The following CSMD1 variants were observed in gnomAD, a reference collection of about 807,000 sequenced individuals.
CSMD1 encodes CUB and sushi domain-containing protein 1.
Under a neutral mutation model 417.5 loss-of-function variants are expected in CSMD1, and 213 were observed. That is an observed-to-expected ratio of 0.51 (90% CI 0.46 to 0.57). The LOEUF (loss-of-function observed/expected upper bound fraction) is 0.57, where lower values mean the gene tolerates loss of function less well. Among genes scored for constraint, CSMD1 ranks in the 20% least tolerant of loss-of-function variants. The probability of loss-of-function intolerance (pLI) is 0.00; values close to 1 mark genes in which losing one functional copy is unlikely to be tolerated. For synonymous variants in CSMD1, 2,862 were observed against 1,736.8 expected (o/e 1.65, Z -16.11); for missense variants, 6,923 against 4,529.7 (o/e 1.53, Z -15.17).
chr8:3,759,155 T>C (rs999491669), intron 5 of CSMD1, among the ~76,000 whole-genome samples: 2 of 152,234 alleles, frequency 1.3e-5, no homozygotes, highest in Non-Finnish European at 2.9e-5. Context: ...TTGTGTTAAT[T>C]TGTTATGGTG....
In CSMD1 at chr8:3,044,293, C is replaced by G. The variant is rs76203548; in HGVS notation, c.7660+8169G>C. Among the ~76,000 whole-genome samples, 421 of 152,136 alleles carry G rather than the reference C, an allele frequency of 2.8e-3. 13 individuals are homozygous for G. In the East Asian group the frequency reaches 0.067, roughly 24 times the overall value. Reference sequence around the variant, plus strand: ...CATTTAATTTTTATTTATTTATTTTCTTGTTGCATGAAAAGGTGATTGCAT... The same window carrying G: ...CATTTAATTTTTATTTATTTATTTTGTTGTTGCATGAAAAGGTGATTGCAT... On this transcript the variant is annotated intron_variant, in intron 50 of 69. Transcript: ENST00000635120.
At chr8:4,141,361 T>C (rs1476889831) in intron 3 of CSMD1, among the ~76,000 whole-genome samples, 2 of 151,214 alleles carry the variant, frequency 1.3e-5, no homozygotes, top group Non-Finnish European at 2.9e-5. Flanking sequence ...CTCATGAAGC[T>C]TGTATGCTCC....
intron 57 of CSMD1, among the ~76,000 whole-genome samples, chr8:2,972,280 T>G (rs1282896863): frequency 3.9e-5 from 6 of 152,208 alleles, no homozygotes; most frequent in Admixed American, 3.9e-4. Context: ...CTCACATTGA[T>G]AGTGTGTATG....
intron 1 of CSMD1, among the ~76,000 whole-genome samples, chr8:4,988,214 C>A (rs1386441354): frequency 1.3e-5 from 2 of 152,144 alleles, no homozygotes; most frequent in African/African-American, 2.4e-5. Context: ...GCATTACTCT[C>A]CGCTTTACAA....
At chr8:3,738,268 G>A (rs567132543) in intron 6 of CSMD1, among the ~76,000 whole-genome samples, 15 of 152,238 alleles carry the variant, frequency 9.9e-5, no homozygotes, top group African/African-American at 2.9e-4. Flanking sequence ...AAATAGCGAC[G>A]ATCACAGTGG....
intron 5 of CSMD1, among the ~76,000 whole-genome samples, chr8:3,817,491 G>A (rs895955194): frequency 1.3e-5 from 2 of 151,696 alleles, no homozygotes; most frequent in Non-Finnish European, 2.9e-5. Flanking sequence ...TCGTTAGCGA[G>A]GATGGTCTCA....
chr8:2,942,201 G>C (rs1342403280), intron 69 of CSMD1, among the ~76,000 whole-genome samples: 1 of 152,076 alleles, frequency 6.6e-6, no homozygotes, highest in African/African-American at 2.4e-5. Flanking sequence ...AGAGCATCAA[G>C]AAGAACAGCT....
chr8:3,986,454 T>C (rs566846965), intron 5 of CSMD1, among the ~76,000 whole-genome samples: 4 of 152,290 alleles, frequency 2.6e-5, no homozygotes, highest in South Asian at 2.1e-4. Context: ...TATCAGGGTA[T>C]AGCCATGTGC....
Position 4,994,736 on chromosome 8 carries a change from C to G in CSMD1, c.-320G>C, listed in dbSNP as rs1221262574. The G allele has an allele frequency of 6.9e-6, 2 of 288,844 alleles. No homozygotes were observed. The highest frequency in any genetic ancestry group is 1.3e-5 in the Non-Finnish European group (2 of 155,270). The allele number at this position is 288,844 out of a possible 1,614,324, so 17.9% of individuals were successfully genotyped here. ...GGCGAGGCTGCGGGAGGGGGAGAAG[C>G]GGGGAGAGGAGCGCGCGCAGCCAGG... On this transcript the variant is annotated 5_prime_UTR_variant, in exon 1 of 70. Coordinates refer to ENST00000635120, the MANE Select transcript of CSMD1 (RefSeq NM_033225.6).
At chr8:3,285,956 T>A (rs1306293621) in intron 25 of CSMD1, among the ~76,000 whole-genome samples, 2 of 152,144 alleles carry the variant, frequency 1.3e-5, no homozygotes, top group African/African-American at 2.4e-5. Context: ...TAACATTAGA[T>A]AAATTTCCTA....
intron 49 of CSMD1, among the ~76,000 whole-genome samples, chr8:3,054,090 C>T (rs1029542855): frequency 2.0e-5 from 3 of 152,180 alleles, no homozygotes; most frequent in African/African-American, 7.2e-5. Flanking sequence ...TCTTATGACT[C>T]CCAAACGAGA....
At chr8:4,979,196 C>T (rs541730200) in intron 1 of CSMD1, among the ~76,000 whole-genome samples, 2 of 152,250 alleles carry the variant, frequency 1.3e-5, no homozygotes, top group East Asian at 3.9e-4. Flanking sequence ...GGACACATCT[C>T]ATAGAACTGA....
chr8:3,212,184 T>C (rs1029542510), intron 30 of CSMD1, among the ~76,000 whole-genome samples: 8 of 152,214 alleles, frequency 5.3e-5, no homozygotes, highest in African/African-American at 1.9e-4. Flanking sequence ...AGCTCCCATA[T>C]GCTTCTTATT....
chr8:4,360,788 CCGGCCCCTCGGGGTTCGTAATCT>C (rs1488375402), intron 3 of CSMD1, among the ~76,000 whole-genome samples: 2 of 151,668 alleles, frequency 1.3e-5, no homozygotes, highest in Non-Finnish European at 1.5e-5. Flanking sequence ...GCCACTGCAC[CCGGCCCCTCGGGGTTCGTAATCT>C]CACAGTTCCT....
At chr8:3,101,637 G>A (rs1325496843) in intron 46 of CSMD1, among the ~76,000 whole-genome samples, 1 of 151,868 alleles carries the variant, frequency 6.6e-6, no homozygotes, top group African/African-American at 2.4e-5. Flanking sequence ...ATGTTACCCA[G>A]GATGGTCTCG....
intron 2 of CSMD1, among the ~76,000 whole-genome samples, chr8:4,488,801 C>T (rs1013787238): frequency 2.0e-5 from 3 of 152,152 alleles, no homozygotes; most frequent in African/African-American, 7.2e-5. Flanking sequence ...TACTCTATGT[C>T]CATATTTCCT....
rs772329770 is a variant in CSMD1 at position 4,955,771 on chromosome 8, G to A, written c.85+38561C>T. On this transcript the variant is annotated intron_variant, in intron 1 of 69. Transcript: ENST00000635120. ...ACGCCCGGGCCCTCTCTTCCAAACTGCATGTTAGGTGGTGGCGTAACAGTA... is the reference window on the plus strand; with the variant it reads ...ACGCCCGGGCCCTCTCTTCCAAACTACATGTTAGGTGGTGGCGTAACAGTA... 2.2e-4 allele frequency among the ~76,000 whole-genome samples: 10 copies of A among 46,270 alleles called. 1 individual carries two copies. The highest frequency in any genetic ancestry group is 5.2e-4 in the Non-Finnish European group (10 of 19,246). The allele number at this position is 46,270 out of a possible 152,430, so 30.4% of individuals were successfully genotyped here. A position where few individuals can be genotyped will look rare whatever the true frequency, so the allele number is the denominator to read the frequency against.
rs796364060 is a variant in CSMD1 at position 3,155,399 on chromosome 8, G to A, written c.5914+2498C>T. 7.3e-4 allele frequency among the ~76,000 whole-genome samples: 15 copies of A among 20,594 alleles called. 1 individual carries two copies. Among genetic ancestry groups the A allele is most frequent in the South Asian group, 1.4e-3 (1 of 702 alleles). The allele number at this position is 20,594 out of a possible 152,430, so 13.5% of individuals were successfully genotyped here. On this transcript the variant is annotated intron_variant, in intron 39 of 69. Coordinates refer to ENST00000635120, the MANE Select transcript of CSMD1 (RefSeq NM_033225.6). ...TTTTTTTTTTTTGAGACAGAATCTC[G>A]CTCTGTCACCCAGGATGGAGTGCAG...
intron 50 of CSMD1, among the ~76,000 whole-genome samples, chr8:3,033,994 G>C (rs867529786): frequency 6.6e-6 from 1 of 152,166 alleles, no homozygotes; most frequent in South Asian, 2.1e-4. Context: ...CCACCCCCTA[G>C]TCGGGCAGGT....
Sources: allele counts gnomAD v4.1 joint callset (sites outside exome capture counted in the v4.1 genomes callset), GRCh38; gene constraint gnomAD v4.1.1; transcripts MANE v1.5; gene names NCBI Gene and HGNC (gene_info 2026-07-23, HGNC 2026-07-21).